TPST1: variants seen among roughly 807,000 people sequenced by gnomAD.
The protein encoded by TPST1 is protein-tyrosine sulfotransferase 1.
In TPST1, 20 loss-of-function variants were observed where a neutral mutation model predicts 34.8. That is an observed-to-expected ratio of 0.57 (90% CI 0.40 to 0.84). The LOEUF is 0.84. Among genes scored for constraint, TPST1 ranks in the 40% least tolerant of loss-of-function variants. The pLI, the probability that TPST1 is intolerant of heterozygous loss-of-function variation, is 0.00. For missense variants in TPST1, 353 were observed against 455.5 expected (o/e 0.78, Z 2.05); for synonymous variants, 152 against 159.4 (o/e 0.95, Z 0.35).
At chr7:66,199,893 T>C in the TPST1 span, among the ~76,000 whole-genome samples, 1 of 151,900 alleles carries the variant, frequency 6.6e-6, no homozygotes, top group African/African-American at 2.4e-5. Context: ...GTTGTATTTT[T>C]AGAGAGGAGG....
At chr7:66,243,960 T>C (rs999993876) in intron 2 of TPST1, among the ~76,000 whole-genome samples, 3 of 147,176 alleles carry the variant, frequency 2.0e-5, no homozygotes, top group Non-Finnish European at 4.5e-5. Context: ...TTTTTTTTTT[T>C]TTCTTCGAGA....
At chr7:66,340,885 C>T (rs1332980904) in intron 3 of TPST1, among the ~76,000 whole-genome samples, 2 of 152,132 alleles carry the variant, frequency 1.3e-5, no homozygotes, top group African/African-American at 4.8e-5. Flanking sequence ...GTTGTGGGTG[C>T]CTATAATCCC....
rs1354946874 is a variant in TPST1 at position 66,298,168 on chromosome 7, C to G, written c.1044+11459C>G. Among the ~76,000 whole-genome samples the G allele has an allele frequency of 2.0e-5, 3 of 152,120 alleles. No homozygotes were observed. In the East Asian group the frequency reaches 5.8e-4, roughly 29 times the overall value. Reference sequence around the variant, plus strand: ...TGTATTCTGTGATTGTTGCAGAGTTCTGTAAATATCAGTGAGGTCAAGAAA... The same window carrying G: ...TGTATTCTGTGATTGTTGCAGAGTTGTGTAAATATCAGTGAGGTCAAGAAA... On this transcript the variant is annotated intron_variant, in intron 3 of 5. Transcript: ENST00000304842.
intron 3 of TPST1, among the ~76,000 whole-genome samples, chr7:66,340,399 G>C (rs1396684307): frequency 6.6e-6 from 1 of 151,860 alleles, no homozygotes; most frequent in African/African-American, 2.4e-5. Context: ...CAAGCAATTA[G>C]GCAAGAGAAA....
intron 3 of TPST1, among the ~76,000 whole-genome samples, chr7:66,316,206 T>C (rs1791630326): frequency 6.6e-6 from 1 of 152,236 alleles, no homozygotes; most frequent in Admixed American, 6.5e-5. Flanking sequence ...TTTGTGTTCA[T>C]AAATTATTTA....
At chr7:66,346,035 A>G (rs1792345726) in intron 3 of TPST1, among the ~76,000 whole-genome samples, 1 of 151,644 alleles carries the variant, frequency 6.6e-6, no homozygotes, top group Non-Finnish European at 1.5e-5. Context: ...CATGAGTTCA[A>G]CTGTCTTAAT....
intron 1 of TPST1, among the ~76,000 whole-genome samples, chr7:66,227,476 G>T (rs1395826321): frequency 6.6e-6 from 1 of 151,990 alleles, no homozygotes; most frequent in Non-Finnish European, 1.5e-5. Context: ...AGACTGGAGG[G>T]CAGTGGTGTG....
At chr7:66,314,398 C>T (rs926837227) in intron 3 of TPST1, among the ~76,000 whole-genome samples, 2 of 152,080 alleles carry the variant, frequency 1.3e-5, no homozygotes, top group African/African-American at 4.8e-5. Flanking sequence ...GCCTCTTGTC[C>T]CAGCTGCAGG....
At chr7:66,251,528 T>C (rs925766879) in intron 2 of TPST1, among the ~76,000 whole-genome samples, 22 of 152,212 alleles carry the variant, frequency 1.4e-4, no homozygotes, top group African/African-American at 4.6e-4. Flanking sequence ...TAAGCTTGTT[T>C]AGGGCAAAGG....
intron 2 of TPST1, among the ~76,000 whole-genome samples, chr7:66,276,487 C>T (rs183224362): frequency 2.7e-5 from 4 of 150,144 alleles, no homozygotes; most frequent in Non-Finnish European, 4.4e-5. Context: ...GATTCTCCTG[C>T]GTCAGCCTCT....
At chr7:66,347,767 T>C (rs1287711481) in intron 3 of TPST1, among the ~76,000 whole-genome samples, 2 of 152,196 alleles carry the variant, frequency 1.3e-5, no homozygotes, top group Admixed American at 1.3e-4. Context: ...TCTTGACTTC[T>C]TTTTCAGATT....
At chr7:66,341,568 C>T (rs765422541) in intron 3 of TPST1, among the ~76,000 whole-genome samples, 2 of 152,116 alleles carry the variant, frequency 1.3e-5, no homozygotes, top group African/African-American at 2.4e-5. Flanking sequence ...TGTGAGCCAC[C>T]GCACTCAGCC....
At chr7:66,298,235 G>A (rs1307253738) in intron 3 of TPST1, among the ~76,000 whole-genome samples, 1 of 151,822 alleles carries the variant, frequency 6.6e-6, no homozygotes, top group East Asian at 1.9e-4. Flanking sequence ...TTGATTTTTT[G>A]GTCTGCTTTA....
chr7:66,306,625 A>C (rs527483066), intron 3 of TPST1, among the ~76,000 whole-genome samples: 2 of 152,164 alleles, frequency 1.3e-5, no homozygotes, highest in Non-Finnish European at 2.9e-5. Flanking sequence ...CTCACCCTGT[A>C]AGGTCACTTC....
intron 1 of TPST1, among the ~76,000 whole-genome samples, chr7:66,220,718 G>A (rs1200088621): frequency 2.0e-5 from 3 of 151,774 alleles, no homozygotes; most frequent in African/African-American, 7.3e-5. Flanking sequence ...AGCAGACAAG[G>A]GCTGGGTCAG....
At chr7:66,218,152 T>C (rs1789464294) in intron 1 of TPST1, among the ~76,000 whole-genome samples, 1 of 152,166 alleles carries the variant, frequency 6.6e-6, no homozygotes, top group African/African-American at 2.4e-5. Context: ...ATGCTGGGAT[T>C]ATAGGTGTGA....
intron 3 of TPST1, among the ~76,000 whole-genome samples, chr7:66,340,444 C>A (rs1217159356): frequency 6.6e-6 from 1 of 152,092 alleles, no homozygotes; most frequent in Admixed American, 6.6e-5. Flanking sequence ...AAGGAAGAAA[C>A]CACATTATCT....
intron 3 of TPST1, among the ~76,000 whole-genome samples, chr7:66,348,939 TTTC>T (rs1367615561): frequency 7.2e-5 from 11 of 152,236 alleles, no homozygotes; most frequent in Non-Finnish European, 1.0e-4. Context: ...AGGTTTTTTT[TTTC>T]TTCTTCATAT....
At chr7:66,346,540 A>G (rs1792355865) in intron 3 of TPST1, among the ~76,000 whole-genome samples, 1 of 152,158 alleles carries the variant, frequency 6.6e-6, no homozygotes, top group Non-Finnish European at 1.5e-5. Context: ...ATGAGATGAT[A>G]TCTCATTGTA....
Sources: allele counts gnomAD v4.1 joint callset (sites outside exome capture counted in the v4.1 genomes callset), GRCh38; gene constraint gnomAD v4.1.1; transcripts MANE v1.5; gene names NCBI Gene and HGNC (gene_info 2026-07-23, HGNC 2026-07-21).